PACRG: variants seen among roughly 807,000 people sequenced by gnomAD.
PACRG encodes the protein parkin coregulated, also known as parkin coregulated gene protein.
A neutral mutation model predicts 29.7 loss-of-function variants in PACRG; 29 were observed. The ratio of observed to expected loss-of-function variants is 0.98; its 90% CI spans 0.73 to 1.33. PACRG has a LOEUF of 1.33. PACRG is among the 40% of genes most tolerant of loss of function. The probability of loss-of-function intolerance (pLI) is 0.00; values close to 1 mark genes in which losing one functional copy is unlikely to be tolerated. For missense variants in PACRG, 279 were observed against 316.2 expected (o/e 0.88, Z 0.89); for synonymous variants, 116 against 118.7 (o/e 0.98, Z 0.15).
intron 2 of PACRG, among the ~76,000 whole-genome samples, chr6:162,910,338 GT>G (rs1157199861): frequency 6.6e-6 from 1 of 152,092 alleles, no homozygotes; most frequent in Non-Finnish European, 1.5e-5. Flanking sequence ...TTCACAATTG[GT>G]TCTTACTGGC....
intron 2 of PACRG, among the ~76,000 whole-genome samples, chr6:162,890,663 G>T (rs182182037): frequency 6.6e-6 from 1 of 152,096 alleles, no homozygotes; most frequent in African/African-American, 2.4e-5. Context: ...AGGAGACCCC[G>T]CACTGTACCT....
At position 162,872,704 on chromosome 6, in the gene PACRG, T is replaced by C. The variant is rs191689983; in HGVS notation, c.291+58423T>C. Among the ~76,000 whole-genome samples the C allele has an allele frequency of 2.5e-3, 383 of 152,280 alleles. 2 individuals are homozygous for C. Among genetic ancestry groups the C allele is most frequent in the African/African-American group, 8.7e-3 (363 of 41,540 alleles). On this transcript the variant is annotated intron_variant, in intron 2 of 4. Transcript: ENST00000366888. ...ATTGGATTATTTTTGTAAAACCTTT[T>C]CAAGAAAAATTGCAGGTCCAGACAC...
chr6:163,206,429 A>G (rs1170724607), intron 4 of PACRG, among the ~76,000 whole-genome samples: 1 of 152,180 alleles, frequency 6.6e-6, no homozygotes, highest in Non-Finnish European at 1.5e-5. Flanking sequence ...TAGAGCTTTT[A>G]TCCTAAGCAA....
chr6:163,181,588 T>C (rs1010611249), intron 4 of PACRG, among the ~76,000 whole-genome samples: 3 of 121,538 alleles, frequency 2.5e-5, no homozygotes, highest in African/African-American at 9.8e-5. Flanking sequence ...AATCAGAGAT[T>C]ATTTGCTTGA....
intron 4 of PACRG, among the ~76,000 whole-genome samples, chr6:163,268,574 C>T (rs767259501): frequency 5.3e-5 from 8 of 152,116 alleles, no homozygotes; most frequent in Non-Finnish European, 8.8e-5. Flanking sequence ...AAGCCCTAAA[C>T]GGTCAGTTTG....
intron 4 of PACRG, among the ~76,000 whole-genome samples, chr6:163,156,290 C>A (rs959094941): frequency 2.0e-5 from 3 of 152,206 alleles, no homozygotes; most frequent in African/African-American, 7.2e-5. Context: ...AGATCACTCC[C>A]AACTCAACAT....
chr6:162,900,045 A>T (rs1309384509), intron 2 of PACRG, among the ~76,000 whole-genome samples: 2 of 152,016 alleles, frequency 1.3e-5, no homozygotes, highest in African/African-American at 4.8e-5. Context: ...GGGGAGAGAG[A>T]GCCAGTTCCT....
At chr6:163,167,219 T>C (rs1016117113) in intron 4 of PACRG, among the ~76,000 whole-genome samples, 2 of 152,364 alleles carry the variant, frequency 1.3e-5, no homozygotes, top group South Asian at 4.1e-4. Context: ...AGCTTATAGT[T>C]TGCCATTATT....
chr6:163,031,773 C>G (rs1807689499), intron 2 of PACRG, among the ~76,000 whole-genome samples: 1 of 152,136 alleles, frequency 6.6e-6, no homozygotes, highest in Non-Finnish European at 1.5e-5. Context: ...TGGGTAAATT[C>G]CTTTTTCTGA....
intron 2 of PACRG, among the ~76,000 whole-genome samples, chr6:162,947,631 T>TATATATATATAATC (rs1799327512): frequency 1.4e-5 from 1 of 71,534 alleles, no homozygotes; most frequent in Admixed American, 1.8e-4. Context: ...TATATATATA[T>TATATATATATAATC]ATATATATAT....
At chr6:163,092,251 C>T (rs1238606814) in intron 4 of PACRG, among the ~76,000 whole-genome samples, 3 of 152,184 alleles carry the variant, frequency 2.0e-5, no homozygotes, top group Admixed American at 2.0e-4. Context: ...TGAACTTCCT[C>T]TGAAATAAGC....
chr6:162,894,690 G>A (rs967606835), intron 2 of PACRG, among the ~76,000 whole-genome samples: 1 of 152,172 alleles, frequency 6.6e-6, no homozygotes, highest in Non-Finnish European at 1.5e-5. Context: ...CTGGATGAAC[G>A]TGTTATAATT....
rs1247550210 is a variant in PACRG at position 162,853,431 on chromosome 6, G to A, written c.291+39150G>A. The stretch of plus-strand genomic sequence containing the variant: ...ACCATTATGTGTTACTATCAGCCTC[G>A]AATCATCCTTTCTTATTATTTTATT... On this transcript the variant is annotated intron_variant, in intron 2 of 4. Coordinates refer to ENST00000366888, the MANE Select transcript of PACRG (RefSeq NM_001080379.2). The surrounding 1 kb of genome is among the most constrained non-coding windows in gnomAD (Gnocchi z 4.7). 1.3e-5 allele frequency among the ~76,000 whole-genome samples: 2 copies of A among 152,052 alleles called. No homozygotes were observed. Among genetic ancestry groups the A allele is most frequent in the Admixed American group, 6.5e-5 (1 of 15,276 alleles).
chr6:162,835,898 A>G (rs1383638846), intron 2 of PACRG, among the ~76,000 whole-genome samples: 2 of 152,172 alleles, frequency 1.3e-5, no homozygotes, highest in East Asian at 1.9e-4. Flanking sequence ...TGTGAAATTC[A>G]TAAGTAAAAT....
At chr6:162,911,454 T>A (rs1203151687) in intron 2 of PACRG, among the ~76,000 whole-genome samples, 1 of 152,226 alleles carries the variant, frequency 6.6e-6, no homozygotes, top group Admixed American at 6.5e-5. Flanking sequence ...TTAACTGAAG[T>A]TATTTAATTG....
chr6:162,794,165 A>G (rs757466125), intron 1 of PACRG, among the ~76,000 whole-genome samples: 2 of 152,142 alleles, frequency 1.3e-5, no homozygotes, highest in African/African-American at 4.8e-5. Flanking sequence ...ATCTAGTAAC[A>G]TAAAGATGTT....
Position 162,922,024 on chromosome 6 carries a change from C to G in PACRG, c.291+107743C>G, listed in dbSNP as rs118126501. On this transcript the variant is annotated intron_variant, in intron 2 of 4. Transcript: ENST00000366888. ...TTTTTCCTTGTCTAGTTTTCTGGCT[C>G]CTGCCTTAAGTCCCCGCTTTTTCCA... 5.0e-3 allele frequency among the ~76,000 whole-genome samples: 766 copies of G among 152,098 alleles called. 2 individuals carry two copies. The highest frequency in any genetic ancestry group is 8.0e-3 in the Non-Finnish European group (541 of 68,016).
chr6:162,891,488 G>A (rs1035142526), intron 2 of PACRG, among the ~76,000 whole-genome samples: 3 of 152,236 alleles, frequency 2.0e-5, no homozygotes, highest in African/African-American at 7.2e-5. Flanking sequence ...ACCTGGGAGT[G>A]CTCTCTGGCT....
At chr6:162,875,981 T>C (rs1793310596) in intron 2 of PACRG, among the ~76,000 whole-genome samples, 1 of 152,126 alleles carries the variant, frequency 6.6e-6, no homozygotes, top group Non-Finnish European at 1.5e-5. Flanking sequence ...AGAAGGAAAA[T>C]GTTTATACAT....
Sources: allele counts gnomAD v4.1 joint callset (sites outside exome capture counted in the v4.1 genomes callset), GRCh38; gene constraint gnomAD v4.1.1; non-coding constraint Gnocchi (gnomAD v3.1); transcripts MANE v1.5; gene names NCBI Gene and HGNC (gene_info 2026-07-23, HGNC 2026-07-21).